TBC1D4: variants seen among roughly 807,000 people sequenced by gnomAD.
TBC1D4 encodes the protein TBC (Tre-2, BUB2, CDC16) domain-containing protein.
In TBC1D4, 121 loss-of-function variants were observed where a neutral mutation model predicts 142.5. The ratio of observed to expected loss-of-function variants is 0.85; its 90% CI spans 0.73 to 0.99. TBC1D4 has a LOEUF of 0.99. Ranked by LOEUF, TBC1D4 falls within the 50% of genes least tolerant of loss-of-function variation. TBC1D4 has a pLI of 0.00. For missense variants in TBC1D4, 1,475 were observed against 1,606.6 expected, an observed-to-expected ratio of 0.92 and a Z score of 1.40; for synonymous variants, 630 against 628.2, an observed-to-expected ratio of 1.00 and a Z score of -0.04.
chr13:75,432,713 GC>G (rs917166267), intron 1 of TBC1D4, among the ~76,000 whole-genome samples: 1 of 152,042 alleles, frequency 6.6e-6, no homozygotes, highest in African/African-American at 2.4e-5. Context: ...ACTTTCTATA[GC>G]CTCACAACCA....
chr13:75,296,520 C>T (rs1179467689), intron 17 of TBC1D4, among the ~76,000 whole-genome samples: 1 of 152,154 alleles, frequency 6.6e-6, no homozygotes, highest in African/African-American at 2.4e-5. Flanking sequence ...GAGTTTCTTC[C>T]ATCAAGGGAT....
intron 1 of TBC1D4, among the ~76,000 whole-genome samples, chr13:75,453,861 C>CAA (rs749925716): frequency 2.5e-5 from 2 of 81,532 alleles, no homozygotes; most frequent in Admixed American, 1.3e-4. Flanking sequence ...GACTCTGTCT[C>CAA]AAAAAAAAAA....
chr13:75,479,096 C>T (rs1888731400), intron 1 of TBC1D4, among the ~76,000 whole-genome samples: 1 of 152,192 alleles, frequency 6.6e-6, no homozygotes, highest in African/African-American at 2.4e-5. Context: ...AGCTAAGTAG[C>T]ACCTTGAGAA....
chr13:75,344,340 A>G (rs1880981095), intron 5 of TBC1D4, among the ~76,000 whole-genome samples: 2 of 152,258 alleles, frequency 1.3e-5, no homozygotes, highest in African/African-American at 2.4e-5. Context: ...ATGTAACTAA[A>G]TTCATAAACT....
chr13:75,480,827 C>G (rs1346693528), intron 1 of TBC1D4, among the ~76,000 whole-genome samples: 6 of 152,174 alleles, frequency 3.9e-5, no homozygotes, highest in African/African-American at 1.4e-4. Flanking sequence ...GTGAGGACCT[C>G]TAGGAACCCA....
At chr13:75,303,157 A>G (rs1335409949) in intron 15 of TBC1D4, among the ~76,000 whole-genome samples, 1 of 152,072 alleles carries the variant, frequency 6.6e-6, no homozygotes, top group Non-Finnish European at 1.5e-5. Flanking sequence ...GCCTCTACTA[A>G]AAATACAAAA....
intron 1 of TBC1D4, among the ~76,000 whole-genome samples, chr13:75,413,286 C>T (rs1192746304): frequency 2.6e-5 from 4 of 152,050 alleles, no homozygotes; most frequent in African/African-American, 4.8e-5. Context: ...CTCAGCCTCC[C>T]GAGTAGCTGG....
chr13:75,455,496 G>T (rs1364421859), intron 1 of TBC1D4, among the ~76,000 whole-genome samples: 1 of 152,136 alleles, frequency 6.6e-6, no homozygotes, highest in African/African-American at 2.4e-5. Flanking sequence ...AGTCCCAGCT[G>T]CCTGGGAGAC....
At chr13:75,441,967 A>T (rs1205334672) in intron 1 of TBC1D4, among the ~76,000 whole-genome samples, 1 of 152,234 alleles carries the variant, frequency 6.6e-6, no homozygotes, top group Admixed American at 6.5e-5. Flanking sequence ...TTTATGCTCA[A>T]TTAACGTGCT....
At chr13:75,325,206 A>G (rs1321599363) in intron 10 of TBC1D4, among the ~76,000 whole-genome samples, 1 of 152,192 alleles carries the variant, frequency 6.6e-6, no homozygotes, top group Non-Finnish European at 1.5e-5. Flanking sequence ...ACATATGACT[A>G]CTTAATATCC....
In TBC1D4 at chr13:75,346,615, C is replaced by T. The variant is rs539165030; in HGVS notation, c.1408+2555G>A. Among the ~76,000 whole-genome samples, 25 of 152,290 alleles carry T rather than the reference C, an allele frequency of 1.6e-4. 1 individual carries two copies. In the South Asian group the frequency reaches 5.2e-3, roughly 32 times the overall value. On this transcript the variant is annotated intron_variant, in intron 5 of 20. Transcript: ENST00000377636. Reference sequence around the variant, plus strand: ...TAGTGCTGCAATAAACATACGTGTGCATGTGTCTTTAGAACAGAATGATTT... The same window carrying T: ...TAGTGCTGCAATAAACATACGTGTGTATGTGTCTTTAGAACAGAATGATTT...
chr13:75,383,104 T>C (rs1825268084), intron 1 of TBC1D4, among the ~76,000 whole-genome samples: 1 of 152,196 alleles, frequency 6.6e-6, no homozygotes, highest in Non-Finnish European at 1.5e-5. Context: ...GGCGGCTCAC[T>C]TGAGGCCAGG....
At chr13:75,314,570 G>C (rs1331599012) in intron 12 of TBC1D4, among the ~76,000 whole-genome samples, 1 of 152,142 alleles carries the variant, frequency 6.6e-6, no homozygotes. Flanking sequence ...TGATACTTTA[G>C]AAAGTACAGT....
Position 75,313,965 on chromosome 13 carries a change from C to A in TBC1D4, c.2223-1067G>T, listed in dbSNP as rs140331549. On this transcript the variant is annotated intron_variant, in intron 12 of 20. Coordinates refer to ENST00000377636, the MANE Select transcript of TBC1D4 (RefSeq NM_014832.5). ...TTGAAATTAATTGATTCTAGAATCA[C>A]CTCCCTCAATTTTTGGGGGACAGGG... Among the ~76,000 whole-genome samples the A allele has an allele frequency of 8.2e-3, 1,249 of 152,286 alleles. 15 individuals carry two copies. Among genetic ancestry groups the A allele is most frequent in the South Asian group, 0.053 (255 of 4,824 alleles).
chr13:75,479,126 C>T (rs1888732889), intron 1 of TBC1D4, among the ~76,000 whole-genome samples: 1 of 152,194 alleles, frequency 6.6e-6, no homozygotes, highest in Non-Finnish European at 1.5e-5. Flanking sequence ...ACTATCCAGT[C>T]CTCCATGGTC....
At chr13:75,311,908 T>G (rs992808689) in intron 13 of TBC1D4, among the ~76,000 whole-genome samples, 1 of 152,204 alleles carries the variant, frequency 6.6e-6, no homozygotes, top group Admixed American at 6.5e-5. Flanking sequence ...CTATAAATAT[T>G]AGGTCAAGCT....
chr13:75,321,019 G>C (rs1415093148), intron 11 of TBC1D4, among the ~76,000 whole-genome samples: 1 of 148,994 alleles, frequency 6.7e-6, no homozygotes, highest in East Asian at 2.0e-4. Flanking sequence ...CAGCCCGGGC[G>C]ACACAGCAAG....
At chr13:75,350,768 G>A (rs1881526368) in intron 4 of TBC1D4, among the ~76,000 whole-genome samples, 3 of 152,028 alleles carry the variant, frequency 2.0e-5, no homozygotes, top group African/African-American at 7.3e-5. Context: ...AAGGTATCTA[G>A]TAGAAATAAT....
chr13:75,335,900 G>A (rs1593748009), intron 8 of TBC1D4, among the ~76,000 whole-genome samples: 5 of 152,072 alleles, frequency 3.3e-5, no homozygotes, highest in East Asian at 1.9e-4. Context: ...ATAGCAATGC[G>A]AAAATGAACT....
Sources: gnomAD v4.1 joint callset for allele counts (sites outside exome capture counted in the v4.1 genomes callset) on GRCh38, gnomAD v4.1.1 for gene constraint, MANE v1.5 for transcripts, NCBI Gene and HGNC (gene_info 2026-07-23, HGNC 2026-07-21) for gene names.